The following SH3KBP1 variants were observed in gnomAD, a reference collection of about 807,000 sequenced individuals.
SH3KBP1 encodes SH3 domain containing kinase binding protein 1.
SH3KBP1 carries 8 observed loss-of-function variants against 50.1 expected under a neutral mutation model. The ratio of observed to expected loss-of-function variants is 0.16; its 90% CI spans 0.09 to 0.29. SH3KBP1 has a LOEUF of 0.29. SH3KBP1 is among the 10% of genes least tolerant of loss of function. The pLI is 1.00. For synonymous variants in SH3KBP1, 227 were observed against 218.6 expected (o/e 1.04, Z -0.34); for missense variants, 377 against 535.2 (o/e 0.70, Z 2.92).
intron 6 of SH3KBP1, among the ~76,000 whole-genome samples, chrX:19,646,405 C>A (rs2061990427): frequency 8.9e-6 from 1 of 111,908 alleles, no homozygotes; most frequent in South Asian, 3.7e-4. Flanking sequence ...TGTTCCCACT[C>A]TTCCCCTTTG....
chrX:19,806,494 C>A (rs926210300), intron 2 of SH3KBP1, among the ~76,000 whole-genome samples: 1 of 111,077 alleles, frequency 9.0e-6, no homozygotes. Flanking sequence ...CCAGCCTGGG[C>A]GACACAGCGA....
intron 1 of SH3KBP1, among the ~76,000 whole-genome samples, chrX:19,874,253 T>C (rs1345918854): frequency 1.1e-5 from 1 of 91,451 alleles, no homozygotes; most frequent in Non-Finnish European, 2.1e-5. Context: ...AAGGAAGAAA[T>C]GGGAGAATGT....
At chrX:19,694,976 G>A (rs774087553) in intron 5 of SH3KBP1, 2 of 1,183,061 alleles carry the variant, frequency 1.7e-6, no homozygotes, top group South Asian at 3.7e-5. Flanking sequence ...CTGGGAGAAC[G>A]AAGTTTCCCG....
At chrX:19,545,217 GA>G (rs775208948) in intron 15 of SH3KBP1, among the ~76,000 whole-genome samples, 1 of 112,155 alleles carries the variant, frequency 8.9e-6, no homozygotes, top group East Asian at 2.8e-4. Flanking sequence ...AATATTCAGA[GA>G]AAATAATTCC....
chrX:19,786,896 T>G (rs2066364493), intron 2 of SH3KBP1, among the ~76,000 whole-genome samples: 1 of 112,302 alleles, frequency 8.9e-6, no homozygotes, highest in Admixed American at 9.5e-5. Context: ...ACTATATGGA[T>G]GTACTATAAC....
chrX:19,577,411 C>G (rs752890883), intron 12 of SH3KBP1, among the ~76,000 whole-genome samples: 4 of 111,678 alleles, frequency 3.6e-5, no homozygotes, highest in Non-Finnish European at 7.5e-5. Context: ...CACCCCGGCT[C>G]ACTGCCAGCT....
rs763525408 is a variant in SH3KBP1, at chrX:19,738,870, G to T, written c.286+7448C>A. ...TACTAAAAATACAAAAATTGGCCGG[G>T]CATGGTGGCAGGTGCCTGTAGTCCC... is the stretch of plus-strand genomic sequence containing the variant. On this transcript the variant is annotated intron_variant, in intron 3 of 17. Coordinates refer to ENST00000397821, the MANE Select transcript of SH3KBP1 (RefSeq NM_031892.3). Among the ~76,000 whole-genome samples the T allele has an allele frequency of 2.2e-4, 24 of 107,655 alleles. No homozygotes were observed. In the East Asian group the frequency reaches 6.7e-3, roughly 30 times the overall value. The allele number at this position is 107,655 out of a possible 115,157, so 93.5% of individuals were successfully genotyped here. A position where few individuals can be genotyped will look rare whatever the true frequency, so the allele number is the denominator to read the frequency against.
chrX:19,747,836 G>A (rs899846457), intron 2 of SH3KBP1: 11 of 278,480 alleles, frequency 4.0e-5, no homozygotes, highest in East Asian at 2.2e-4. Context: ...GCCCAACACC[G>A]GTACCTCTGC....
intron 1 of SH3KBP1, among the ~76,000 whole-genome samples, chrX:19,878,770 G>C (rs770154560): frequency 1.6e-4 from 18 of 111,094 alleles, no homozygotes; most frequent in Non-Finnish European, 3.0e-4. Context: ...ACTAGATAGT[G>C]GTGATGGTTG....
In SH3KBP1 at chrX:19,542,138, C is replaced by T; in HGVS notation, c.1679G>A (p.Gly560Asp). 8.3e-7 allele frequency: 1 copy of T among 1,198,086 alleles called. No homozygotes were observed. The highest frequency in any genetic ancestry group is 1.1e-6 in the Non-Finnish European group (1 of 887,725). ...PPKPGTMAAG[G>D]GGPAPLSSAA... ...TGAGGACAGAGGGGCTGGCCCACCG[C>T]CACCTGCTGCCATGGTCCCCGGCTT... Residue 560 changes from glycine to aspartate, a missense_variant, in exon 16 of 18, where the codon GGC (glycine) becomes GAC (aspartate). By Grantham distance (94) the Gly-to-Asp change is moderately conservative. This residue lies in a region of SH3KBP1 where 110 missense variants were observed against 124.1 expected (regional missense o/e 0.89). Transcript: ENST00000397821.
intron 8 of SH3KBP1, among the ~76,000 whole-genome samples, chrX:19,612,725 T>C (rs2067469575): frequency 9.0e-6 from 1 of 111,656 alleles, no homozygotes; most frequent in African/African-American, 3.3e-5. Flanking sequence ...ATCATGTCCT[T>C]GTGGGGCTCC....
chrX:19,583,168 T>TTATTA (rs2066436408), intron 12 of SH3KBP1, among the ~76,000 whole-genome samples: 1 of 66,537 alleles, frequency 1.5e-5, no homozygotes, highest in Non-Finnish European at 3.4e-5. Flanking sequence ...TATTATTATT[T>TTATTA]TTGAGACGCA....
intron 5 of SH3KBP1, chrX:19,694,930 C>T: frequency 1.0e-6 from 1 of 989,253 alleles, no homozygotes; most frequent in South Asian, 2.1e-5. Flanking sequence ...CAAGACAGCA[C>T]AAGAGATACA....
chrX:19,598,556 G>A (rs943547039), intron 9 of SH3KBP1, among the ~76,000 whole-genome samples: 2 of 111,566 alleles, frequency 1.8e-5, no homozygotes, highest in African/African-American at 3.3e-5. Context: ...CACTAAGCTC[G>A]ATCATTTCTA....
In SH3KBP1 at chrX:19,536,361, GA is replaced by G; in HGVS notation, c.*55del. The G allele has an allele frequency of 2.4e-6, 2 of 839,963 alleles. No individual in the cohort carries two copies. The highest frequency in any genetic ancestry group is 3.4e-6 in the Non-Finnish European group (2 of 583,155). The allele number at this position is 839,963 out of a possible 1,213,427, so 69.2% of individuals were successfully genotyped here. On this transcript the variant is annotated 3_prime_UTR_variant, in exon 18 of 18. Coordinates refer to ENST00000397821, the MANE Select transcript of SH3KBP1 (RefSeq NM_031892.3). ...GCACAAGATTATTTTGGCTGGGGCAGAAAATTTGAGTCTCGGACTCAGGATG... is the reference window on the plus strand; with the variant it reads ...GCACAAGATTATTTTGGCTGGGGCAGAAATTTGAGTCTCGGACTCAGGATG...
chrX:19,574,404 G>A (rs921836879), intron 12 of SH3KBP1, among the ~76,000 whole-genome samples: 5 of 112,511 alleles, frequency 4.4e-5, no homozygotes, highest in African/African-American at 1.6e-4. Flanking sequence ...CCTTGTACAC[G>A]TTAGGAAATA....
intron 8 of SH3KBP1, among the ~76,000 whole-genome samples, chrX:19,623,083 C>T (rs2067894711): frequency 9.5e-6 from 1 of 105,704 alleles, no homozygotes; most frequent in African/African-American, 3.4e-5. Flanking sequence ...TTTTGGTACT[C>T]TCTCCATACA....
At chrX:19,778,271 A>T (rs1267269334) in intron 2 of SH3KBP1, among the ~76,000 whole-genome samples, 5 of 109,436 alleles carry the variant, frequency 4.6e-5, no homozygotes, top group Non-Finnish European at 9.5e-5. Flanking sequence ...TCTCTACTAA[A>T]AATACAAAAA....
chrX:19,865,739 T>C (rs1290816676), intron 1 of SH3KBP1, among the ~76,000 whole-genome samples: 1 of 112,110 alleles, frequency 8.9e-6, no homozygotes, highest in Non-Finnish European at 1.9e-5. Flanking sequence ...ATTAAAAGAT[T>C]GAAGTGCCTG....
Sources: allele counts gnomAD v4.1 joint callset (sites outside exome capture counted in the v4.1 genomes callset), GRCh38; gene constraint gnomAD v4.1.1; regional missense constraint gnomAD v4.1.1; transcripts MANE v1.5; gene names NCBI Gene and HGNC (gene_info 2026-07-23, HGNC 2026-07-21).